The following ZC4H2 variants were observed in gnomAD, a reference collection of about 807,000 sequenced individuals.
The protein encoded by ZC4H2 is zinc finger C4H2-type containing, also known as zinc finger C4H2 domain-containing protein.
For missense variants in ZC4H2, 137 were observed against 173.9 expected (o/e 0.79, Z 1.19); for synonymous variants, 84 against 66.3 (o/e 1.27, Z -1.30).
At chrX:64,990,647 A>T (rs769193344) in intron 1 of ZC4H2, among the ~76,000 whole-genome samples, 168 of 111,644 alleles carry the variant, frequency 1.5e-3, no homozygotes, top group African/African-American at 5.2e-3. Flanking sequence ...CATTCCCTTA[A>T]AATTATGCTC....
intron 1 of ZC4H2, among the ~76,000 whole-genome samples, chrX:65,010,484 T>A (rs1330331319): frequency 8.9e-6 from 1 of 112,268 alleles, no homozygotes; most frequent in Non-Finnish European, 1.9e-5. Context: ...TCTTTGGGAT[T>A]GACTTAAATT....
chrX:64,960,366 C>G (rs1255447316), intron 1 of ZC4H2, among the ~76,000 whole-genome samples: 1 of 110,440 alleles, frequency 9.1e-6, no homozygotes, highest in Non-Finnish European at 1.9e-5. Context: ...GATCCAACTC[C>G]ACCAATTATT....
chrX:64,918,310 T>C, intron 4 of ZC4H2: 1 of 121,072 alleles, frequency 8.3e-6, no homozygotes, highest in Non-Finnish European at 1.7e-5. Flanking sequence ...CTGTTTTGCA[T>C]GAAAGAAGTG....
intron 1 of ZC4H2, among the ~76,000 whole-genome samples, chrX:64,971,880 T>C (rs1931793359): frequency 8.9e-6 from 1 of 111,788 alleles, no homozygotes; most frequent in Non-Finnish European, 1.9e-5. Flanking sequence ...AAGCTCTTTG[T>C]GTATGGATAT....
At chrX:64,933,721 G>A (rs1302998755) in intron 1 of ZC4H2, among the ~76,000 whole-genome samples, 1 of 110,488 alleles carries the variant, frequency 9.1e-6, no homozygotes, top group Non-Finnish European at 1.9e-5. Context: ...TGTTTCTTAT[G>A]GGGTCAGAAT....
chrX:64,917,697 C>A lies in ZC4H2; in HGVS notation c.*86G>T. 8.7e-7 allele frequency: 1 copy of A among 1,148,995 alleles called. No individual in the cohort carries two copies. The highest frequency in any genetic ancestry group is 1.2e-6 in the Non-Finnish European group (1 of 860,571). 94.7% of individuals were successfully genotyped at this position (1,148,995 alleles called of 1,213,427 possible). On this transcript the variant is annotated 3_prime_UTR_variant, in exon 5 of 5. Transcript: ENST00000374839. ...AAATAGGAGACTTCGTGGGGTTGGG[C>A]AAGGGTTGTTTCACATCAGGACATC... is the stretch of plus-strand genomic sequence containing the variant.
intron 1 of ZC4H2, among the ~76,000 whole-genome samples, chrX:65,011,629 G>A (rs576685340): frequency 9.0e-6 from 1 of 111,375 alleles, no homozygotes; most frequent in Non-Finnish European, 1.9e-5. Flanking sequence ...GGAAGTGAAC[G>A]AGTTCCCTGG....
Position 64,917,714 on chromosome X carries a change from C to A in ZC4H2, c.*69G>T. 1 of 1,170,562 alleles carries A rather than the reference C, an allele frequency of 8.5e-7. No homozygotes were observed. The highest frequency in any genetic ancestry group is 3.2e-5 in the East Asian group (1 of 31,520). On this transcript the variant is annotated 3_prime_UTR_variant, in exon 5 of 5. Transcript: ENST00000374839. ...GGGTTGGGCAAGGGTTGTTTCACATCAGGACATCAATGACTCTGGTCAAGG... is the reference window on the plus strand; with the variant it reads ...GGGTTGGGCAAGGGTTGTTTCACATAAGGACATCAATGACTCTGGTCAAGG...
intron 1 of ZC4H2, among the ~76,000 whole-genome samples, chrX:64,976,040 G>A (rs929136061): frequency 2.7e-5 from 3 of 111,605 alleles, no homozygotes; most frequent in Non-Finnish European, 3.8e-5. Flanking sequence ...TTTAAAAAAC[G>A]TGTCCATGAA....
intron 1 of ZC4H2, among the ~76,000 whole-genome samples, chrX:65,001,362 G>A (rs931218996): frequency 1.4e-4 from 16 of 111,837 alleles, no homozygotes; most frequent in East Asian, 5.6e-4. Flanking sequence ...ATAAGCAAAA[G>A]GGAAGTAAAA....
chrX:64,986,396 A>G lies in ZC4H2; in HGVS notation c.-272+48233T>C, dbSNP rs769873791. Among the ~76,000 whole-genome samples the G allele has an allele frequency of 2.7e-5, 3 of 112,305 alleles. No individual in the cohort carries two copies. In the South Asian group the frequency reaches 1.1e-3, roughly 41 times the overall value. ...CTAAAAGGGGCCAGAATCTAAGGCC[A>G]GGCATTCCCCCATCTCTCTGCTACT... On this transcript the variant is annotated intron_variant, in intron 1 of 4. Coordinates refer to the ZC4H2 transcript ENST00000337990.
chrX:65,029,444 T>C (rs1023491346), intron 1 of ZC4H2, among the ~76,000 whole-genome samples: 2 of 111,566 alleles, frequency 1.8e-5, no homozygotes, highest in Admixed American at 1.9e-4. Context: ...TTTTGAGACC[T>C]CTGGGTGAGA....
At chrX:64,950,521 T>A (rs1316731694) in intron 1 of ZC4H2, among the ~76,000 whole-genome samples, 1 of 111,500 alleles carries the variant, frequency 9.0e-6, no homozygotes, top group Non-Finnish European at 1.9e-5. Context: ...GCTTTATGAA[T>A]CTGGGTGCTC....
chrX:64,952,958 T>C (rs1160934812), intron 1 of ZC4H2, among the ~76,000 whole-genome samples: 1 of 111,835 alleles, frequency 8.9e-6, no homozygotes, highest in East Asian at 2.8e-4. Context: ...AGCATGGTAC[T>C]GGTACCAAAA....
chrX:64,964,460 A>G (rs764760488), intron 1 of ZC4H2, among the ~76,000 whole-genome samples: 18 of 111,697 alleles, frequency 1.6e-4, no homozygotes, highest in Middle Eastern at 4.6e-3. Flanking sequence ...GAAACAAAGG[A>G]TATGTTACAC....
chrX:64,997,590 T>C (rs1209567903), intron 1 of ZC4H2, among the ~76,000 whole-genome samples: 1 of 112,479 alleles, frequency 8.9e-6, no homozygotes, highest in Non-Finnish European at 1.9e-5. Context: ...CAACATAAAG[T>C]GTGGGGCAAA....
At chrX:64,968,894 T>G (rs1268747471) in intron 1 of ZC4H2, among the ~76,000 whole-genome samples, 1 of 111,720 alleles carries the variant, frequency 9.0e-6, no homozygotes, top group Non-Finnish European at 1.9e-5. Context: ...GCCAACAGAT[T>G]TGGTGTCTGG....
At chrX:64,948,922 G>T (rs1930665028) in intron 1 of ZC4H2, among the ~76,000 whole-genome samples, 1 of 111,873 alleles carries the variant, frequency 8.9e-6, no homozygotes, top group African/African-American at 3.2e-5. Flanking sequence ...AATTAATATT[G>T]TAAAACAAAT....
At chrX:64,973,363 A>T (rs1461609885) in intron 1 of ZC4H2, among the ~76,000 whole-genome samples, 2 of 110,477 alleles carry the variant, frequency 1.8e-5, no homozygotes, top group African/African-American at 3.3e-5. Context: ...TATATTATGT[A>T]TACATAATTT....
Sources: allele counts gnomAD v4.1 joint callset (sites outside exome capture counted in the v4.1 genomes callset), GRCh38; gene constraint gnomAD v4.1.1; transcripts MANE v1.5; gene names NCBI Gene and HGNC (gene_info 2026-07-23, HGNC 2026-07-21).